The following OPCML variants were observed in gnomAD, a reference collection of about 807,000 sequenced individuals.
OPCML encodes the protein opioid-binding protein/cell adhesion molecule.
A neutral mutation model predicts 37.8 loss-of-function variants in OPCML; 13 were observed. That is an observed-to-expected ratio of 0.34 (90% CI 0.22 to 0.55). The LOEUF is 0.55. OPCML is among the 20% of genes least tolerant of loss of function. OPCML has a pLI of 0.91. For missense variants in OPCML, 341 were observed against 435.6 expected (o/e 0.78, Z 1.93); for synonymous variants, 176 against 168.8 (o/e 1.04, Z -0.33).
chr11:133,382,046 T>C (rs1045278012), intron 1 of OPCML, among the ~76,000 whole-genome samples: 2 of 152,224 alleles, frequency 1.3e-5, no homozygotes, highest in Non-Finnish European at 2.9e-5. Context: ...GCCAGGCTCT[T>C]GCAGGCTGTC....
In OPCML at chr11:132,529,154, T is replaced by C. The variant is rs1336095839; in HGVS notation, c.412A>G (p.Ile138Val). The change falls in exon 4 of 8, where the codon ATC (isoleucine) becomes GTC (valine). Residue 138 changes from isoleucine to valine, a missense_variant. Ile to Val is a conservative substitution (Grantham distance 29). Transcript: ENST00000524381. ...PPQIMNISSD[I>V]TVNEGSSVTL... ...ACACTGCTTCCCTCATTCACAGTGA[T>C]GTCTGAGGAGATATTCATGATCTGA... 3.7e-6 allele frequency: 6 copies of C among 1,612,612 alleles called. No homozygotes were observed. The highest frequency in any genetic ancestry group is 4.2e-6 in the Non-Finnish European group (5 of 1,179,250).
intron 2 of OPCML, among the ~76,000 whole-genome samples, chr11:132,717,897 G>A (rs1309014720): frequency 6.6e-6 from 1 of 152,186 alleles, no homozygotes; most frequent in Non-Finnish European, 1.5e-5. Context: ...CATTCGCTAG[G>A]GATCTTCAAT....
chr11:132,654,384 C>G (rs575545281), intron 3 of OPCML, among the ~76,000 whole-genome samples: 1 of 151,474 alleles, frequency 6.6e-6, no homozygotes. Flanking sequence ...TCAAGAGAAA[C>G]TCCTCCCCAA....
At chr11:133,296,124 T>C (rs1189818003) in intron 1 of OPCML, among the ~76,000 whole-genome samples, 1 of 152,182 alleles carries the variant, frequency 6.6e-6, no homozygotes, top group Non-Finnish European at 1.5e-5. Context: ...TAAAACTGTG[T>C]CCGTAAATGA....
At chr11:133,419,310 T>C in intron 1 of OPCML, 4 of 985,414 alleles carry the variant, frequency 4.1e-6, no homozygotes, top group Non-Finnish European at 4.8e-6. Flanking sequence ...TGGTGTAAAC[T>C]GGAAAATAGG....
At chr11:132,632,078 T>C (rs1401115978) in intron 3 of OPCML, among the ~76,000 whole-genome samples, 3 of 151,654 alleles carry the variant, frequency 2.0e-5, no homozygotes, top group Non-Finnish European at 2.9e-5. Context: ...AAATGGTTTC[T>C]GCCTGAAAGA....
intron 2 of OPCML, among the ~76,000 whole-genome samples, chr11:132,848,164 G>A (rs973382751): frequency 3.3e-5 from 5 of 152,224 alleles, no homozygotes; most frequent in Non-Finnish European, 7.3e-5. Context: ...ACATTCACAT[G>A]TGAGATCACG....
chr11:133,431,981 A>G (rs1282075134), intron 1 of OPCML, among the ~76,000 whole-genome samples: 1 of 152,072 alleles, frequency 6.6e-6, no homozygotes, highest in African/African-American at 2.4e-5. Flanking sequence ...TATTACTACT[A>G]AGAAATCAGT....
intron 4 of OPCML, among the ~76,000 whole-genome samples, chr11:132,524,830 C>T (rs1193155467): frequency 6.6e-6 from 1 of 152,178 alleles, no homozygotes; most frequent in Non-Finnish European, 1.5e-5. Flanking sequence ...GGGGATGCTT[C>T]AAAACTTTTA....
At chr11:132,721,396 G>C (rs117370249) in intron 2 of OPCML, among the ~76,000 whole-genome samples, 1 of 152,160 alleles carries the variant, frequency 6.6e-6, no homozygotes, top group Non-Finnish European at 1.5e-5. Flanking sequence ...AATGCTTGAA[G>C]CTCTGCGGAG....
At chr11:133,512,886 A>G (rs1392091729) in intron 1 of OPCML, among the ~76,000 whole-genome samples, 1 of 152,250 alleles carries the variant, frequency 6.6e-6, no homozygotes, top group Non-Finnish European at 1.5e-5. Flanking sequence ...CCCAGGAACC[A>G]GGGCAGAGAC....
At chr11:132,751,631 C>A (rs1822457911) in intron 2 of OPCML, among the ~76,000 whole-genome samples, 1 of 152,104 alleles carries the variant, frequency 6.6e-6, no homozygotes, top group Admixed American at 6.6e-5. Context: ...AATTATTAGC[C>A]CCATTTTCCA....
At position 132,776,103 on chromosome 11, in the gene OPCML, T is replaced by C. The variant is rs530017372; in HGVS notation, c.147-118784A>G. On this transcript the variant is annotated intron_variant, in intron 2 of 7. Transcript: ENST00000524381. Reference sequence around the variant, plus strand: ...CCTCACCATGCCTGGCTAAGTTTTGTATTTTTATTAAAGACAGGGTTTCAC... The same window carrying C: ...CCTCACCATGCCTGGCTAAGTTTTGCATTTTTATTAAAGACAGGGTTTCAC... Among the ~76,000 whole-genome samples, 5 of 152,174 alleles carry C rather than the reference T, an allele frequency of 3.3e-5. No individual in the cohort carries two copies. The East Asian group carries it at 9.7e-4, about 29-fold the overall frequency.
intron 4 of OPCML, among the ~76,000 whole-genome samples, chr11:132,471,758 T>C (rs1444597601): frequency 3.9e-5 from 6 of 152,336 alleles, no homozygotes; most frequent in African/African-American, 9.6e-5. Context: ...CCACTCTTTA[T>C]TGAGCAACTC....
At chr11:132,907,744 G>A (rs1185790765) in intron 2 of OPCML, among the ~76,000 whole-genome samples, 1 of 152,130 alleles carries the variant, frequency 6.6e-6, no homozygotes, top group Admixed American at 6.5e-5. Flanking sequence ...AAGTCCAGTA[G>A]AATAAACCAT....
chr11:133,501,205 C>T (rs1201720553), intron 1 of OPCML, among the ~76,000 whole-genome samples: 1 of 152,168 alleles, frequency 6.6e-6, no homozygotes, highest in East Asian at 1.9e-4. Flanking sequence ...ACCCGTCCAG[C>T]TTCTATACGC....
chr11:133,171,520 A>G (rs1281551172), intron 1 of OPCML, among the ~76,000 whole-genome samples: 1 of 152,174 alleles, frequency 6.6e-6, no homozygotes, highest in African/African-American at 2.4e-5. Flanking sequence ...TCATTTTTCC[A>G]GTGGATGCCA....
At chr11:133,090,292 A>G (rs533578818) in intron 1 of OPCML, among the ~76,000 whole-genome samples, 1 of 152,276 alleles carries the variant, frequency 6.6e-6, no homozygotes, top group East Asian at 1.9e-4. Context: ...AAATGGGGAC[A>G]TGGCTTTGGA....
intron 2 of OPCML, among the ~76,000 whole-genome samples, chr11:132,784,295 T>C (rs1947130849): frequency 6.6e-6 from 1 of 152,104 alleles, no homozygotes; most frequent in Non-Finnish European, 1.5e-5. Flanking sequence ...TGGACCCACT[T>C]CAAATTTAGG....
Sources: allele counts gnomAD v4.1 joint callset (sites outside exome capture counted in the v4.1 genomes callset), GRCh38; gene constraint gnomAD v4.1.1; transcripts MANE v1.5; gene names NCBI Gene and HGNC (gene_info 2026-07-23, HGNC 2026-07-21).